TCHHL1: variants seen among roughly 807,000 people sequenced by gnomAD.
The protein encoded by TCHHL1 is trichohyalin like 1.
TCHHL1 carries 1 observed loss-of-function variant against 3.5 expected under a neutral mutation model. The observed-to-expected ratio is 0.29, with a 90% CI of 0.10 to 1.36. The LOEUF is 1.36. Ranked by LOEUF, TCHHL1 falls within the 40% of genes most tolerant of loss-of-function variation. The pLI, the probability that TCHHL1 is intolerant of heterozygous loss-of-function variation, is 0.43. For missense variants in TCHHL1, 1,027 were observed against 1,032.8 expected (o/e 0.99, Z 0.08); for synonymous variants, 405 against 375.3 (o/e 1.08, Z -0.92).
Position 152,085,639 on chromosome 1 carries a change from A to C in TCHHL1, c.2043T>G (p.Thr681=). Residue 681 remains threonine (T), a synonymous_variant, in exon 3 of 3, where the codon ACT becomes ACG. Coordinates refer to ENST00000368806, the MANE Select transcript of TCHHL1 (RefSeq NM_001008536.2). ...GGAGCTGCATTAGGGAAAGCTGGTCAGTGAAGTCTTCATCCAGGGCACCTG... is the reference window on the plus strand; with the variant it reads ...GGAGCTGCATTAGGGAAAGCTGGTCCGTGAAGTCTTCATCCAGGGCACCTG... ...EITGALDEDF[T]DQLSLMQLPG... 1 of 1,614,192 alleles carries C rather than the reference A, an allele frequency of 6.2e-7. No homozygotes were observed. The highest frequency in any genetic ancestry group is 8.5e-7 in the Non-Finnish European group (1 of 1,180,028).
Position 152,085,489 on chromosome 1 carries a change from G to A in TCHHL1, c.2193C>T (p.Ser731=). ...LESLDEDNSA[S]LKIQLETKEP... ...CCTTTGTTTCAAGTTGTATCTTGAG[G>A]GAGGCTGAATTGTCCTCATCTAGAC... The change falls in exon 3 of 3, where the codon TCC becomes TCT. Residue 731 remains serine (S), a synonymous_variant. Coordinates refer to ENST00000368806, the MANE Select transcript of TCHHL1 (RefSeq NM_001008536.2). 1 of 1,614,160 alleles carries A rather than the reference G, an allele frequency of 6.2e-7. No homozygotes were observed. The highest frequency in any genetic ancestry group is 8.5e-7 in the Non-Finnish European group (1 of 1,180,026).
rs1657704810 is a variant in TCHHL1 at position 152,085,569 on chromosome 1, T to C, written c.2113A>G (p.Ser705Gly). The C allele has an allele frequency of 6.2e-7, 1 of 1,614,132 alleles. No individual in the cohort carries two copies. Among genetic ancestry groups the C allele is most frequent in the South Asian group, 1.1e-5 (1 of 91,090 alleles). ...GCTCTTCCTTTCTCTTCTTTGCTACTTGGGCCTTGGACCTTTAATTCATTT... is the reference window on the plus strand; with the variant it reads ...GCTCTTCCTTTCTCTTCTTTGCTACCTGGGCCTTGGACCTTTAATTCATTT... ...SRNELKVQGP[S>G]SKEEKGRATE... The change falls in exon 3 of 3, where the codon AGT becomes GGT. Residue 705 changes from serine (S) to glycine (G), a missense_variant. By Grantham distance (56) the Ser-to-Gly change is moderately conservative. Coordinates refer to ENST00000368806, the MANE Select transcript of TCHHL1 (RefSeq NM_001008536.2).
rs1657677623 is a variant in TCHHL1 at position 152,084,410 on chromosome 1, C to T, written c.*557G>A. On this transcript the variant is annotated 3_prime_UTR_variant, in exon 3 of 3. Coordinates refer to ENST00000368806, the MANE Select transcript of TCHHL1 (RefSeq NM_001008536.2). ...ATCCATGGCGATAGATTCAGCTGCA[C>T]CTGAACATGAGCAGAGTCATAAATT... is the stretch of plus-strand genomic sequence containing the variant. 1 of 163,988 alleles carries T rather than the reference C, an allele frequency of 6.1e-6. No individual in the cohort carries two copies. The highest frequency in any genetic ancestry group is 2.4e-5 in the African/African-American group (1 of 41,408). The allele number at this position is 163,988 out of a possible 1,614,324, so 10.2% of individuals were successfully genotyped here.
At position 152,084,262 on chromosome 1, in the gene TCHHL1, C is replaced by T. The variant is rs1332968316; in HGVS notation, c.*705G>A. On this transcript the variant is annotated 3_prime_UTR_variant, in exon 3 of 3. Coordinates refer to ENST00000368806, the MANE Select transcript of TCHHL1 (RefSeq NM_001008536.2). ...AGAGCTTCTTATAAAATCAAACATA[C>T]TTTAGATTTGTGTTTTCTCTCATAA... 5.9e-6 allele frequency: 1 copy of T among 168,394 alleles called. No individual in the cohort carries two copies. The highest frequency in any genetic ancestry group is 1.5e-5 in the Non-Finnish European group (1 of 68,124). The allele number at this position is 168,394 out of a possible 1,614,324, so 10.4% of individuals were successfully genotyped here. A position where few individuals can be genotyped will look rare whatever the true frequency, so the allele number is the denominator to read the frequency against.
Position 152,086,953 on chromosome 1 carries a change from A to T in TCHHL1, c.729T>A (p.Ser243Arg). The change falls in exon 3 of 3, where the codon AGT (serine) becomes AGA (arginine). Residue 243 changes from serine (S) to arginine (R), a missense_variant. By Grantham distance (110) the Ser-to-Arg change is moderately radical. Transcript: ENST00000368806. ...QEGDEPAREQ[S>R]VSKIRDQFGE... ...CAAACTGGTCTCTTATCTTGGAAACACTTTGCTCTCTGGCTGGTTCATCTC... is the reference window on the plus strand; with the variant it reads ...CAAACTGGTCTCTTATCTTGGAAACTCTTTGCTCTCTGGCTGGTTCATCTC... The T allele has an allele frequency of 6.2e-7, 1 of 1,613,934 alleles. No individual in the cohort carries two copies. The highest frequency in any genetic ancestry group is 8.5e-7 in the Non-Finnish European group (1 of 1,179,998).
chr1:152,086,047 C>A lies in TCHHL1; in HGVS notation c.1635G>T (p.Gly545=). The A allele has an allele frequency of 1.2e-5, 20 of 1,614,190 alleles. No homozygotes were observed. The highest frequency in any genetic ancestry group is 1.7e-5 in the Non-Finnish European group (20 of 1,180,042). The change falls in exon 3 of 3, where the codon GGG becomes GGT. Residue 545 remains glycine, a synonymous_variant. Coordinates refer to ENST00000368806, the MANE Select transcript of TCHHL1 (RefSeq NM_001008536.2). ...PESPFTQSDE[G]SSETPNSLAS... ...CCAGGCTGTTGGGAGTTTCAGAAGA[C>A]CCCTCATCACTCTGTGTGAATGGTG... is the stretch of plus-strand genomic sequence containing the variant.
At position 152,084,605 on chromosome 1, in the gene TCHHL1, T is replaced by A. The variant is rs1009255703; in HGVS notation, c.*362A>T. On this transcript the variant is annotated 3_prime_UTR_variant, in exon 3 of 3. Coordinates refer to ENST00000368806, the MANE Select transcript of TCHHL1 (RefSeq NM_001008536.2). ...ATGATTATGAGATATTATTGCAGAG[T>A]CTTATAATTTCCTACTGCTCTATTT... 6 of 186,724 alleles carry A rather than the reference T, an allele frequency of 3.2e-5. No homozygotes were observed. Among genetic ancestry groups the A allele is most frequent in the African/African-American group, 1.4e-4 (6 of 42,258 alleles). 11.6% of individuals were successfully genotyped at this position (186,724 alleles called of 1,614,324 possible).
rs1657706888 is a variant in TCHHL1, at chr1:152,085,673, A to T, written c.2009T>A (p.Ile670Lys). 1 of 1,613,878 alleles carries T rather than the reference A, an allele frequency of 6.2e-7. No individual in the cohort carries two copies. Among genetic ancestry groups the T allele is most frequent in the African/African-American group, 1.3e-5 (1 of 74,836 alleles). ...AGDENRKSLE[I>K]EITGALDEDF... is the part of the protein sequence containing the mutation. ...TTCATCCAGGGCACCTGTGATCTCT[A>T]TTTCCAGGGACTTTCTATTTTCATC... Residue 670 changes from isoleucine to lysine, a missense_variant, in exon 3 of 3, where the codon ATA (isoleucine) becomes AAA (lysine). Coordinates refer to ENST00000368806, the MANE Select transcript of TCHHL1 (RefSeq NM_001008536.2).
intron 2 of TCHHL1, 58 bp from the exon 3 acceptor site, chr1:152,087,601 G>A (rs1657758463): frequency 1.3e-6 from 2 of 1,484,206 alleles, no homozygotes; most frequent in Middle Eastern, 2.5e-4. Flanking sequence ...TGTCCTAAGT[G>A]TCTCCCAAGA....
chr1:152,088,999 T>C (rs910593234), intron 1 of TCHHL1, 21 bp downstream of exon 1: 2 of 152,114 alleles, frequency 1.3e-5, no homozygotes, highest in African/African-American at 4.8e-5. Flanking sequence ...ATCCCAAGTA[T>C]GCTCAAGCAG....
intron 1 of TCHHL1, 76 bp from the exon 2 acceptor site, chr1:152,088,239 G>T: frequency 7.3e-7 from 1 of 1,361,478 alleles, no homozygotes; most frequent in Non-Finnish European, 9.8e-7. Context: ...TATCCTTTTT[G>T]TTCCTCCCCC....
At position 152,086,672 on chromosome 1, in the gene TCHHL1, C is replaced by T. The variant is rs1346796046; in HGVS notation, c.1010G>A (p.Gly337Glu). The part of the protein sequence containing the change: ...VCRMFDTQEP[G>E]KDADQTPAKT... Reference sequence around the variant, plus strand: ...AGCTGGTGTCTGGTCAGCATCCTTTCCTGGTTCTTGAGTGTCAAACATTCT... The same window carrying T: ...AGCTGGTGTCTGGTCAGCATCCTTTTCTGGTTCTTGAGTGTCAAACATTCT... The change falls in exon 3 of 3, where the codon GGA becomes GAA. Residue 337 changes from glycine (G) to glutamate (E), a missense_variant. Gly to Glu is a moderately conservative substitution (Grantham distance 98). This residue lies in a region of TCHHL1 where 673 missense variants were observed against 658.6 expected (regional missense o/e 1.02). Coordinates refer to ENST00000368806, the MANE Select transcript of TCHHL1 (RefSeq NM_001008536.2). The T allele has an allele frequency of 1.2e-6, 2 of 1,614,048 alleles. No homozygotes were observed. The highest frequency in any genetic ancestry group is 2.2e-5 in the East Asian group (1 of 44,894).
In TCHHL1 at chr1:152,087,145, C is replaced by G. The variant is rs747426863; in HGVS notation, c.537G>C (p.Lys179Asn). Reference protein sequence around the residue: ...PGEASEHNDPKNKHLEGDEQS... With the variant: ...PGEASEHNDPNNKHLEGDEQS... ...GTTCATCTCCTTCCAGGTGTTTGTT[C>G]TTAGGATCATTGTGTTCAGATGCTT... The change falls in exon 3 of 3, where the codon AAG (lysine) becomes AAC (asparagine). Residue 179 changes from lysine to asparagine, a missense_variant. Lys to Asn is a moderately conservative substitution (Grantham distance 94). This residue lies in a region of TCHHL1 where 338 missense variants were observed against 335.9 expected (regional missense o/e 1.01). Transcript: ENST00000368806. The G allele has an allele frequency of 1.9e-6, 3 of 1,614,136 alleles. No homozygotes were observed. The highest frequency in any genetic ancestry group is 2.5e-6 in the Non-Finnish European group (3 of 1,180,026).
Position 152,086,927 on chromosome 1 carries a change from C to T in TCHHL1, c.755G>A (p.Gly252Glu). The T allele has an allele frequency of 6.2e-7, 1 of 1,614,138 alleles. No individual in the cohort carries two copies. The highest frequency in any genetic ancestry group is 8.5e-7 in the Non-Finnish European group (1 of 1,180,034). ...GGTTGCCAAGTTTCCTTCCTGTTCTCCAAACTGGTCTCTTATCTTGGAAAC... is the reference window on the plus strand; with the variant it reads ...GGTTGCCAAGTTTCCTTCCTGTTCTTCAAACTGGTCTCTTATCTTGGAAAC... ...QSVSKIRDQF[G>E]EQEGNLATQS... The change falls in exon 3 of 3, where the codon GGA becomes GAA. Residue 252 changes from glycine to glutamate, a missense_variant. Gly to Glu is a moderately conservative substitution (Grantham distance 98). Coordinates refer to ENST00000368806, the MANE Select transcript of TCHHL1 (RefSeq NM_001008536.2).
rs552904097 is a variant in TCHHL1, at chr1:152,084,874, T to G, written c.*93A>C. On this transcript the variant is annotated 3_prime_UTR_variant, in exon 3 of 3. Transcript: ENST00000368806. ...TTTTTGTAGAAATTTAGGAAGAGAATTTAAAAGATTGTTAATCTGCATCTG... is the reference window on the plus strand; with the variant it reads ...TTTTTGTAGAAATTTAGGAAGAGAAGTTAAAAGATTGTTAATCTGCATCTG... 7.4e-7 allele frequency: 1 copy of G among 1,348,386 alleles called. No individual in the cohort carries two copies. The highest frequency in any genetic ancestry group is 1.5e-5 in the African/African-American group (1 of 68,294). The allele number at this position is 1,348,386 out of a possible 1,614,324, so 83.5% of individuals were successfully genotyped here.
Position 152,084,741 on chromosome 1 carries a change from T to G in TCHHL1, c.*226A>C. On this transcript the variant is annotated 3_prime_UTR_variant, in exon 3 of 3. Coordinates refer to ENST00000368806, the MANE Select transcript of TCHHL1 (RefSeq NM_001008536.2). ...ATAAACTGTCTCATGACAAAGCCCATTTTGGCATTTGGAAGTAGCATTGTT... is the reference window on the plus strand; with the variant it reads ...ATAAACTGTCTCATGACAAAGCCCAGTTTGGCATTTGGAAGTAGCATTGTT... The G allele has an allele frequency of 2.0e-6, 1 of 502,740 alleles. No homozygotes were observed. The highest frequency in any genetic ancestry group is 3.5e-6 in the Non-Finnish European group (1 of 289,790). 31.1% of individuals were successfully genotyped at this position (502,740 alleles called of 1,614,324 possible).
At position 152,084,963 on chromosome 1, in the gene TCHHL1, T is replaced by C. The variant is rs753052901; in HGVS notation, c.*4A>G. On this transcript the variant is annotated 3_prime_UTR_variant, in exon 3 of 3. Transcript: ENST00000368806. ...AATTGGGGGCATGTTGAGATGATAA[T>C]GATTCATTGCTTTGTGGTGCTTGCC... is the stretch of plus-strand genomic sequence containing the variant. 1.2e-5 allele frequency: 19 copies of C among 1,610,098 alleles called. No individual in the cohort carries two copies. The highest frequency in any genetic ancestry group is 1.5e-5 in the Non-Finnish European group (18 of 1,177,638).
chr1:152,087,262 T>C lies in TCHHL1; in HGVS notation c.420A>G (p.Ser140=), dbSNP rs1225385681. 11 of 1,614,226 alleles carry C rather than the reference T, an allele frequency of 6.8e-6. No homozygotes were observed. In the East Asian group the frequency reaches 2.2e-4, roughly 33 times the overall value. The part of the protein sequence containing the change: ...EKRMLPSGMA[S]SSQLIPEESG... ...TTTCTTCAGGGATGAGCTGAGATGATGATGCCATTCCTGAAGGAAGCATCC... is the reference window on the plus strand; with the variant it reads ...TTTCTTCAGGGATGAGCTGAGATGACGATGCCATTCCTGAAGGAAGCATCC... The change falls in exon 3 of 3, where the codon TCA becomes TCG. Residue 140 remains serine, a synonymous_variant. Coordinates refer to ENST00000368806, the MANE Select transcript of TCHHL1 (RefSeq NM_001008536.2).
At position 152,088,160 on chromosome 1, in the gene TCHHL1, G is replaced by A. The variant is rs1215210800; in HGVS notation, c.-17C>T. The A allele has an allele frequency of 4.5e-6, 7 of 1,539,314 alleles. No homozygotes were observed. Among genetic ancestry groups the A allele is most frequent in the Non-Finnish European group, 4.4e-6 (5 of 1,144,492 alleles). ...CTGAGGCATCTTTACAAACTCAGGA[G>A]AGGCTGTGAGAAAGAATAAACAAAG... On this transcript the variant is annotated 5_prime_UTR_variant, in exon 2 of 3. Transcript: ENST00000368806.
Sources: allele counts gnomAD v4.1 joint callset, GRCh38; gene constraint gnomAD v4.1.1; regional missense constraint gnomAD v4.1.1; transcripts MANE v1.5; gene names NCBI Gene and HGNC (gene_info 2026-07-23, HGNC 2026-07-21).